GSR: variants seen among roughly 807,000 people sequenced by gnomAD.
The protein encoded by GSR is glutathione-disulfide reductase, also known as glutathione reductase, mitochondrial.
In GSR, 48 loss-of-function variants were observed where a neutral mutation model predicts 56.5. That is an observed-to-expected ratio of 0.85 (90% CI 0.67 to 1.08). The LOEUF (loss-of-function observed/expected upper bound fraction) is 1.08. GSR is among the 50% of genes least tolerant of loss of function. The pLI, the probability that GSR is intolerant of heterozygous loss-of-function variation, is 0.00. For synonymous variants in GSR, 264 were observed against 270.8 expected (o/e 0.97, Z 0.25); for missense variants, 694 against 703.3 (o/e 0.99, Z 0.15).
At chr8:30,715,317 G>A (rs1044661252) in intron 1 of GSR, among the ~76,000 whole-genome samples, 11 of 151,686 alleles carry the variant, frequency 7.3e-5, no homozygotes, top group African/African-American at 2.2e-4. Flanking sequence ...AATAATAAAC[G>A]TATGGCTTTC....
At chr8:30,721,235 A>T (rs1247583842) in intron 1 of GSR, among the ~76,000 whole-genome samples, 1 of 152,232 alleles carries the variant, frequency 6.6e-6, no homozygotes, top group African/African-American at 2.4e-5. Context: ...CCCCAAAAAG[A>T]AAAGGACCTA....
At chr8:30,720,233 C>T (rs913688271) in intron 1 of GSR, among the ~76,000 whole-genome samples, 2 of 151,946 alleles carry the variant, frequency 1.3e-5, no homozygotes, top group African/African-American at 4.8e-5. Flanking sequence ...TGTTAACTTC[C>T]TTCCTCTGGT....
At position 30,696,453 on chromosome 8, in the gene GSR, T is replaced by C. The variant is rs1027270872; in HGVS notation, c.722A>G (p.Tyr241Cys). 1.2e-6 allele frequency: 2 copies of C among 1,613,098 alleles called. No homozygotes were observed. Among genetic ancestry groups the C allele is most frequent in the Non-Finnish European group, 8.5e-7 (1 of 1,179,038 alleles). The change falls in exon 7 of 13, where the codon TAC (tyrosine) becomes TGC (cysteine). Residue 241 changes from tyrosine to cysteine, a missense_variant. Physicochemically the swap from Tyr to Cys is radical, Grantham distance 194. Coordinates refer to ENST00000221130, the MANE Select transcript of GSR (RefSeq NM_000637.5). Reference sequence around the variant, plus strand: ...GATCCCTGCCATCTCCACAGCAATGTAACCTGCACCAACAATGACGCTGCG... The same window carrying C: ...GATCCCTGCCATCTCCACAGCAATGCAACCTGCACCAACAATGACGCTGCG... Reference protein sequence around the residue: ...PGRSVIVGAGYIAVEMAGILS... With the variant: ...PGRSVIVGAGCIAVEMAGILS...
chr8:30,697,839 C>T (rs938552831), intron 6 of GSR, among the ~76,000 whole-genome samples: 1 of 152,212 alleles, frequency 6.6e-6, no homozygotes, highest in South Asian at 2.1e-4. Context: ...CCAGCATGTG[C>T]CAACACACCC....
chr8:30,720,551 G>A (rs1209813873), intron 1 of GSR, among the ~76,000 whole-genome samples: 1 of 152,016 alleles, frequency 6.6e-6, no homozygotes. Flanking sequence ...AATGCTGTCT[G>A]GACATGGCCC....
At chr8:30,721,364 A>T (rs1468643056) in intron 1 of GSR, among the ~76,000 whole-genome samples, 1 of 152,206 alleles carries the variant, frequency 6.6e-6, no homozygotes. Context: ...ACAAATGCCA[A>T]AGTGGTCCGG....
At chr8:30,702,993 G>A in intron 5 of GSR, 100 bp downstream of exon 5, 2 of 1,267,778 alleles carry the variant, frequency 1.6e-6, no homozygotes, top group East Asian at 2.3e-5. Context: ...TGGCTCCAAA[G>A]AGAGAACTGG....
intron 1 of GSR, among the ~76,000 whole-genome samples, chr8:30,718,548 C>T (rs1053883814): frequency 6.6e-6 from 1 of 152,084 alleles, no homozygotes; most frequent in Non-Finnish European, 1.5e-5. Context: ...TACGGAAAGG[C>T]GGAGATAAAT....
intron 5 of GSR, among the ~76,000 whole-genome samples, chr8:30,700,723 C>CAAAAAAGAAAAAAAAAAAAA (rs1803705863): frequency 1.2e-5 from 1 of 80,044 alleles, no homozygotes; most frequent in Non-Finnish European, 2.4e-5. Context: ...ATTTTGTCTC[C>CAAAAAAGAAAAAAAAAAAAA]AAAAAAAAAA....
At chr8:30,706,358 G>A (rs369718663) in intron 4 of GSR, among the ~76,000 whole-genome samples, 160 of 151,834 alleles carry the variant, frequency 1.1e-3, no homozygotes, top group African/African-American at 3.6e-3. Flanking sequence ...AAAAAATTAG[G>A]CAGGTGTGGG....
intron 2 of GSR, among the ~76,000 whole-genome samples, chr8:30,710,435 G>C (rs1804088778): frequency 6.6e-6 from 1 of 150,780 alleles, no homozygotes; most frequent in African/African-American, 2.4e-5. Flanking sequence ...ACAAACACAA[G>C]GCCGGGCACA....
chr8:30,680,783 G>C, intron 12 of GSR, 121 bp downstream of exon 12: 1 of 851,902 alleles, frequency 1.2e-6, no homozygotes, highest in Non-Finnish European at 2.0e-6. Flanking sequence ...GATCAAAGTG[G>C]GCCTGTCCAG....
intron 7 of GSR, among the ~76,000 whole-genome samples, chr8:30,695,183 A>T (rs58633826): frequency 0.051 from 7,780 of 152,140 alleles, 628 homozygotes; most frequent in African/African-American, 0.17. Context: ...GCCCAACACA[A>T]ATTTGTACAC....
rs549576521 is a variant in GSR, at chr8:30,717,511, G to A, written c.307-5423C>T. Among the ~76,000 whole-genome samples the A allele has an allele frequency of 6.6e-5, 10 of 152,204 alleles. 1 individual carries two copies. The South Asian group carries it at 1.5e-3, about 22-fold the overall frequency. ...TCATATGTATTTATAGCTGCTCCCC[G>A]TCGCTAGCATTACTGCCTGAGCTCC... On this transcript the variant is annotated intron_variant, in intron 1 of 12. Coordinates refer to ENST00000221130, the MANE Select transcript of GSR (RefSeq NM_000637.5).
intron 4 of GSR, among the ~76,000 whole-genome samples, chr8:30,707,622 C>T (rs12678167): frequency 2.0e-5 from 3 of 151,968 alleles, no homozygotes; most frequent in East Asian, 1.9e-4. Context: ...ATTGCACCAC[C>T]GTACTCCAGC....
intron 3 of GSR, among the ~76,000 whole-genome samples, chr8:30,708,741 G>A (rs1268810800): frequency 6.6e-6 from 1 of 150,676 alleles, no homozygotes; most frequent in Non-Finnish European, 1.5e-5. Flanking sequence ...CGGATCACGA[G>A]GTCAGAAGAT....
chr8:30,726,655 A>G (rs965168460), intron 1 of GSR, among the ~76,000 whole-genome samples: 1 of 152,064 alleles, frequency 6.6e-6, no homozygotes, highest in African/African-American at 2.4e-5. Context: ...CCAGCTACTC[A>G]GGAGGCCAAG....
intron 11 of GSR, among the ~76,000 whole-genome samples, chr8:30,681,530 GA>G (rs879297885): frequency 7.6e-5 from 10 of 131,142 alleles, no homozygotes; most frequent in Non-Finnish European, 8.3e-5. Flanking sequence ...GTCTCAAAAA[GA>G]AAAAAAAAAA....
In GSR at chr8:30,727,763, C is replaced by T. The variant is rs1293451081; in HGVS notation, c.73G>A (p.Gly25Ser). 1 of 1,374,830 alleles carries T rather than the reference C, an allele frequency of 7.3e-7. No individual in the cohort carries two copies. The highest frequency in any genetic ancestry group is 3.2e-5 in the East Asian group (1 of 31,212). The allele number at this position is 1,374,830 out of a possible 1,614,324, so 85.2% of individuals were successfully genotyped here. A position where few individuals can be genotyped will look rare whatever the true frequency, so the allele number is the denominator to read the frequency against. Residue 25 changes from glycine to serine, a missense_variant, in exon 1 of 13, where the codon GGC (glycine) becomes AGC (serine). By Grantham distance (56) the Gly-to-Ser change is moderately conservative. Transcript: ENST00000221130. The stretch of plus-strand genomic sequence containing the variant: ...GGCTCGGGCAGAAGCAGCAGGAAGC[C>T]TCGGAAGGCGCGCGCCGCCCGCCGC... Reference protein sequence around the residue: ...SWRRAARAFRGFLLLLPEPAA... With the variant: ...SWRRAARAFRSFLLLLPEPAA...
Sources: allele counts gnomAD v4.1 joint callset (sites outside exome capture counted in the v4.1 genomes callset), GRCh38; gene constraint gnomAD v4.1.1; transcripts MANE v1.5; gene names NCBI Gene and HGNC (gene_info 2026-07-23, HGNC 2026-07-21).